Variants in THSD7B observed in about 807,000 individuals in gnomAD.
THSD7B encodes thrombospondin type-1 domain-containing protein 7B.
A neutral mutation model predicts 213.6 loss-of-function variants in THSD7B; 138 were observed. That is an observed-to-expected ratio of 0.65 (90% CI 0.56 to 0.74). The LOEUF (loss-of-function observed/expected upper bound fraction) is 0.74. Among genes scored for constraint, THSD7B ranks in the 30% least tolerant of loss-of-function variants. THSD7B has a pLI of 0.00. For synonymous variants in THSD7B, 742 were observed against 687.0 expected (o/e 1.08, Z -1.25); for missense variants, 1,931 against 1,991.5 (o/e 0.97, Z 0.58).
intron 2 of THSD7B, among the ~76,000 whole-genome samples, chr2:136,892,360 T>A (rs144113278): frequency 6.6e-5 from 10 of 152,288 alleles, no homozygotes; most frequent in African/African-American, 2.4e-4. Flanking sequence ...TGGCCACTCC[T>A]AGCCACAAGG....
intron 21 of THSD7B, among the ~76,000 whole-genome samples, chr2:137,648,407 T>C (rs1683077767): frequency 6.6e-6 from 1 of 152,176 alleles, no homozygotes; most frequent in African/African-American, 2.4e-5. Flanking sequence ...TTGCCTCTGG[T>C]AACTACCAAT....
chr2:137,109,089 G>T (rs1430621709), intron 4 of THSD7B, among the ~76,000 whole-genome samples: 1 of 152,034 alleles, frequency 6.6e-6, no homozygotes, highest in Admixed American at 6.6e-5. Context: ...TAATCTCTTT[G>T]CCCTACATTC....
intron 1 of THSD7B, among the ~76,000 whole-genome samples, chr2:136,792,855 T>A (rs1413024417): frequency 6.6e-6 from 1 of 152,062 alleles, no homozygotes; most frequent in Non-Finnish European, 1.5e-5. Context: ...ATGTTTTGTG[T>A]CAGACTTCTT....
intron 2 of THSD7B, among the ~76,000 whole-genome samples, chr2:136,921,243 A>G (rs1309204338): frequency 6.7e-6 from 1 of 149,808 alleles, no homozygotes; most frequent in Non-Finnish European, 1.5e-5. Context: ...AAAAAACCAC[A>G]TAGGCAGGCC....
chr2:137,638,824 T>C (rs999767898), intron 20 of THSD7B, among the ~76,000 whole-genome samples: 18 of 152,156 alleles, frequency 1.2e-4, no homozygotes, highest in Non-Finnish European at 2.4e-4. Flanking sequence ...GCCCCTGCCC[T>C]AGAGATTTGT....
At chr2:137,403,357 A>G (rs1686419653) in intron 12 of THSD7B, among the ~76,000 whole-genome samples, 1 of 152,234 alleles carries the variant, frequency 6.6e-6, no homozygotes, top group Admixed American at 6.5e-5. Context: ...TAAAGAACTG[A>G]ATTCAGAATA....
intron 2 of THSD7B, among the ~76,000 whole-genome samples, chr2:136,922,222 G>A (rs925075771): frequency 1.3e-5 from 2 of 152,066 alleles, no homozygotes; most frequent in Admixed American, 6.6e-5. Context: ...GGCCACTGTC[G>A]CTACATTCTC....
chr2:137,090,950 T>C (rs1687938002), intron 3 of THSD7B, among the ~76,000 whole-genome samples: 1 of 152,214 alleles, frequency 6.6e-6, no homozygotes, highest in Non-Finnish European at 1.5e-5. Context: ...ATTCACCATC[T>C]AATGCTCCTT....
intron 1 of THSD7B, among the ~76,000 whole-genome samples, chr2:136,809,294 T>C (rs1573648329): frequency 1.3e-5 from 2 of 152,070 alleles, no homozygotes; most frequent in African/African-American, 4.8e-5. Flanking sequence ...TCAGATGTCC[T>C]AAGGGATGAA....
chr2:136,769,974 TC>T (rs1681475918), intron 1 of THSD7B, among the ~76,000 whole-genome samples: 1 of 152,208 alleles, frequency 6.6e-6, no homozygotes, highest in Admixed American at 6.5e-5. Context: ...AAAAACAGAA[TC>T]CTAAGTAACT....
chr2:137,092,517 TA>T (rs1487828902), intron 3 of THSD7B, among the ~76,000 whole-genome samples: 1 of 152,144 alleles, frequency 6.6e-6, no homozygotes, highest in African/African-American at 2.4e-5. Context: ...TAATGGGGGG[TA>T]TAAATATGGA....
At chr2:137,391,273 A>T (rs930062058) in intron 12 of THSD7B, among the ~76,000 whole-genome samples, 3 of 151,790 alleles carry the variant, frequency 2.0e-5, no homozygotes, top group Non-Finnish European at 4.4e-5. Context: ...GTCTCTGTTG[A>T]TCTTTTGTAT....
intron 10 of THSD7B, among the ~76,000 whole-genome samples, chr2:137,247,437 A>G (rs1682064869): frequency 6.6e-6 from 1 of 152,160 alleles, no homozygotes; most frequent in Non-Finnish European, 1.5e-5. Context: ...ATTGCCAGAT[A>G]TGTTTACCAG....
At chr2:137,472,042 T>G (rs973408788) in intron 15 of THSD7B, among the ~76,000 whole-genome samples, 13 of 152,222 alleles carry the variant, frequency 8.5e-5, no homozygotes, top group Non-Finnish European at 5.9e-5. Context: ...TTTACCCATT[T>G]ATGTCACAGG....
chr2:137,611,309 G>A lies in THSD7B; in HGVS notation c.3424-4866G>A, dbSNP rs186138602. ...TAATTTTTACCCTGAGTATATGACA[G>A]ATGTTTACTATGCTATGCCCTATCA... On this transcript the variant is annotated intron_variant, in intron 17 of 27. Transcript: ENST00000409968. Among the ~76,000 whole-genome samples the A allele has an allele frequency of 1.4e-3, 210 of 151,970 alleles. 1 individual carries two copies. Among genetic ancestry groups the A allele is most frequent in the Non-Finnish European group, 2.1e-3 (145 of 67,976 alleles).
At chr2:137,151,529 A>T (rs982416150) in intron 5 of THSD7B, among the ~76,000 whole-genome samples, 4 of 149,304 alleles carry the variant, frequency 2.7e-5, no homozygotes, top group South Asian at 2.1e-4. Context: ...AAAAGTATAA[A>T]AAAAAAAAAC....
rs368649157 is a variant in THSD7B, at chr2:136,839,250, G to A, written c.-35-42894G>A. On this transcript the variant is annotated intron_variant, in intron 1 of 27. Coordinates refer to ENST00000409968, the MANE Select transcript of THSD7B (RefSeq NM_001316349.2). ...CACCTACCTCCTTTCTACTGCCTGAGGGTCACCCCTGGCTGGGAATATACT... is the reference window on the plus strand; with the variant it reads ...CACCTACCTCCTTTCTACTGCCTGAAGGTCACCCCTGGCTGGGAATATACT... 6.6e-5 allele frequency among the ~76,000 whole-genome samples: 10 copies of A among 152,150 alleles called. No homozygotes were observed. The East Asian group carries it at 7.7e-4, about 12-fold the overall frequency.
At chr2:137,495,571 T>C (rs1052008890) in intron 15 of THSD7B, among the ~76,000 whole-genome samples, 2 of 151,812 alleles carry the variant, frequency 1.3e-5, no homozygotes, top group African/African-American at 4.8e-5. Flanking sequence ...GACTCTAGAG[T>C]GAGTAAGTTA....
intron 14 of THSD7B, among the ~76,000 whole-genome samples, chr2:137,430,741 A>C (rs892032825): frequency 6.6e-6 from 1 of 152,228 alleles, no homozygotes; most frequent in African/African-American, 2.4e-5. Flanking sequence ...GATTTGAATA[A>C]AATCAAAGGT....
Sources: gnomAD v4.1 joint callset for allele counts (sites outside exome capture counted in the v4.1 genomes callset) on GRCh38, gnomAD v4.1.1 for gene constraint, MANE v1.5 for transcripts, NCBI Gene and HGNC (gene_info 2026-07-23, HGNC 2026-07-21) for gene names.